DDAH2: variants seen among roughly 807,000 people sequenced by gnomAD.
The protein encoded by DDAH2 is DDAH family member 2, ADMA-independent, also known as putative hydrolase DDAH2.
In DDAH2, 8 loss-of-function variants were observed where a neutral mutation model predicts 24.8. That is an observed-to-expected ratio of 0.32 (90% CI 0.19 to 0.58). DDAH2 has a LOEUF of 0.58. DDAH2 is among the 20% of genes least tolerant of loss of function. The pLI is 0.87. For missense variants in DDAH2, 281 were observed against 379.0 expected (o/e 0.74, Z 2.15); for synonymous variants, 151 against 166.1 (o/e 0.91, Z 0.70).
Position 31,728,396 on chromosome 6 carries a change from C to T in DDAH2, c.471+55G>A. On this transcript the variant is annotated intron_variant, in intron 3 of 5. Coordinates refer to ENST00000375789, the MANE Select transcript of DDAH2 (RefSeq NM_001303007.2). The surrounding 1 kb of genome is among the most constrained non-coding windows in gnomAD (Gnocchi z 9.8). ...CTCATTTCCTCAGCGGGCGCCCAGG[C>T]CCTTCCGACCCCCACCTGCACCCCC... 6.2e-7 allele frequency: 1 copy of T among 1,610,210 alleles called. No individual in the cohort carries two copies. The highest frequency in any genetic ancestry group is 2.2e-5 in the East Asian group (1 of 44,824).
In DDAH2 at chr6:31,727,307, G is replaced by A; in HGVS notation, c.788C>T (p.Ser263Leu). The change falls in exon 6 of 6, where the codon TCA becomes TTA. Residue 263 changes from serine to leucine, a missense_variant. Coordinates refer to ENST00000375789, the MANE Select transcript of DDAH2 (RefSeq NM_001303007.2). This position sits in a 1 kb window ranked among gnomAD's most constrained non-coding sequence, Gnocchi z 6.0. ...CCCGGCGCCAGCCTTCTCCAGTTCT[G>A]AGCAGGACACAGGTACCAGGGTGAC... is the stretch of plus-strand genomic sequence containing the variant. ...SDVTLVPVSC[S>L]ELEKAGAGLS... 1 of 1,613,066 alleles carries A rather than the reference G, an allele frequency of 6.2e-7. No individual in the cohort carries two copies. Among genetic ancestry groups the A allele is most frequent in the Non-Finnish European group, 8.5e-7 (1 of 1,180,020 alleles).
At position 31,728,875 on chromosome 6, in the gene DDAH2, C is replaced by G; in HGVS notation, c.287G>C (p.Arg96Pro). ...ALITRPWSPA[R>P]RPEVDGVRKA... ...CGCCACGGCGCTCACCTCTGGCCTA[C>G]GAGCGGGGCTCCAGGGCCGCGTGAT... Residue 96 changes from arginine to proline, a missense_variant, in exon 1 of 6, where the codon CGT becomes CCT. Coordinates refer to ENST00000375789, the MANE Select transcript of DDAH2 (RefSeq NM_001303007.2). The surrounding 1 kb of genome is among the most constrained non-coding windows in gnomAD (Gnocchi z 9.8). 5 of 1,612,590 alleles carry G rather than the reference C, an allele frequency of 3.1e-6. No individual in the cohort carries two copies. The highest frequency in any genetic ancestry group is 4.2e-6 in the Non-Finnish European group (5 of 1,179,778).
rs952232127 is a variant in DDAH2 at position 31,727,878 on chromosome 6, A to C, written c.592-186T>G. Reference sequence around the variant, plus strand: ...CTTTGCTAATTTCCACCTTGGAATCACATGCAGTTATTTTCAACCCCCTAC... The same window carrying C: ...CTTTGCTAATTTCCACCTTGGAATCCCATGCAGTTATTTTCAACCCCCTAC... On this transcript the variant is annotated intron_variant, in intron 4 of 5. Coordinates refer to ENST00000375789, the MANE Select transcript of DDAH2 (RefSeq NM_001303007.2). The surrounding 1 kb of genome is among the most constrained non-coding windows in gnomAD (Gnocchi z 6.0). Among the ~76,000 whole-genome samples the C allele has an allele frequency of 6.6e-6, 1 of 152,144 alleles. No homozygotes were observed. Among genetic ancestry groups the C allele is most frequent in the Non-Finnish European group, 1.5e-5 (1 of 68,026 alleles).
Position 31,729,193 on chromosome 6 carries a change from C to A in DDAH2, c.-32G>T. On this transcript the variant is annotated 5_prime_UTR_variant, in exon 1 of 6. Coordinates refer to ENST00000375789, the MANE Select transcript of DDAH2 (RefSeq NM_001303007.2). This position sits in a 1 kb window ranked among gnomAD's most constrained non-coding sequence, Gnocchi z 6.7. Reference sequence around the variant, plus strand: ...CACACAGACTCCCCCTCCAACCGCTCGGATTTCTTAGTTTTCTTGTTTCTT... The same window carrying A: ...CACACAGACTCCCCCTCCAACCGCTAGGATTTCTTAGTTTTCTTGTTTCTT... 1 of 1,504,332 alleles carries A rather than the reference C, an allele frequency of 6.6e-7. No individual in the cohort carries two copies. The highest frequency in any genetic ancestry group is 9.0e-7 in the Non-Finnish European group (1 of 1,108,624). 93.2% of individuals were successfully genotyped at this position (1,504,332 alleles called of 1,614,324 possible).
chr6:31,729,576 T>C (rs983217066), upstream of DDAH2: 2 of 209,170 alleles, frequency 9.6e-6, no homozygotes, highest in African/African-American at 4.6e-5. The surrounding 1 kb of genome is among the most constrained non-coding windows in gnomAD (Gnocchi z 6.7). Flanking sequence ...AACCCTCAGC[T>C]GCTCGCTACC....
chr6:31,728,617 C>A lies in DDAH2; in HGVS notation c.397+29G>T. 1 of 1,612,178 alleles carries A rather than the reference C, an allele frequency of 6.2e-7. No homozygotes were observed. ...GTCTCCCAAACTCTACTTCCCTGTGCCAAGACCTATGCCTCCCCCCAGCCT... is the reference window on the plus strand; with the variant it reads ...GTCTCCCAAACTCTACTTCCCTGTGACAAGACCTATGCCTCCCCCCAGCCT... On this transcript the variant is annotated intron_variant, in intron 2 of 5. Transcript: ENST00000375789. The surrounding 1 kb of genome is among the most constrained non-coding windows in gnomAD (Gnocchi z 9.8).
chr6:31,728,546 G>C lies in DDAH2; in HGVS notation c.398-22C>G. 4 of 1,612,786 alleles carry C rather than the reference G, an allele frequency of 2.5e-6. No homozygotes were observed. Among genetic ancestry groups the C allele is most frequent in the Non-Finnish European group, 3.4e-6 (4 of 1,179,886 alleles). On this transcript the variant is annotated intron_variant, in intron 2 of 5. Coordinates refer to ENST00000375789, the MANE Select transcript of DDAH2 (RefSeq NM_001303007.2). The surrounding 1 kb of genome is among the most constrained non-coding windows in gnomAD (Gnocchi z 9.8). ...CGGCCTGAGTCCGGGAGGCCGCGGA[G>C]GTTTGAGGGCGGGAGTGAGTTAGAA...
In DDAH2 at chr6:31,728,563, G is replaced by A. The variant is rs781097041; in HGVS notation, c.398-39C>T. The A allele has an allele frequency of 1.2e-6, 2 of 1,612,050 alleles. No homozygotes were observed. The highest frequency in any genetic ancestry group is 2.2e-5 in the South Asian group (2 of 91,052). ...GCCGCGGAGGTTTGAGGGCGGGAGT[G>A]AGTTAGAAACAAGGCTCCAGACGGC... is the stretch of plus-strand genomic sequence containing the variant. On this transcript the variant is annotated intron_variant, in intron 2 of 5. Transcript: ENST00000375789. This position sits in a 1 kb window ranked among gnomAD's most constrained non-coding sequence, Gnocchi z 9.8.
chr6:31,727,720 T>G lies in DDAH2; in HGVS notation c.592-28A>C, dbSNP rs756583073. On this transcript the variant is annotated intron_variant, in intron 4 of 5. Coordinates refer to ENST00000375789, the MANE Select transcript of DDAH2 (RefSeq NM_001303007.2). The surrounding 1 kb of genome is among the most constrained non-coding windows in gnomAD (Gnocchi z 6.0). Reference sequence around the variant, plus strand: ...AGAGGAAAGAGGAAGTGTTCGAGTCTCAGAACCTCTCCACAGCTGTGTCTG... The same window carrying G: ...AGAGGAAAGAGGAAGTGTTCGAGTCGCAGAACCTCTCCACAGCTGTGTCTG... 22 of 1,564,852 alleles carry G rather than the reference T, an allele frequency of 1.4e-5. No individual in the cohort carries two copies. The highest frequency in any genetic ancestry group is 5.4e-5 in the Admixed American group (3 of 55,066).
At position 31,727,381 on chromosome 6, in the gene DDAH2, G is replaced by A; in HGVS notation, c.742-28C>T. The A allele has an allele frequency of 1.2e-6, 2 of 1,600,442 alleles. No homozygotes were observed. Among genetic ancestry groups the A allele is most frequent in the African/African-American group, 2.7e-5 (2 of 74,850 alleles). The stretch of plus-strand genomic sequence containing the variant: ...GCACAGGGAAGACATGGAGTGGGGA[G>A]AGGGGAGTGAGACCTCAGGCTGAGC... On this transcript the variant is annotated intron_variant, in intron 5 of 5. Coordinates refer to ENST00000375789, the MANE Select transcript of DDAH2 (RefSeq NM_001303007.2). The surrounding 1 kb of genome is among the most constrained non-coding windows in gnomAD (Gnocchi z 6.0).
At position 31,727,448 on chromosome 6, in the gene DDAH2, C is replaced by T. The variant is rs1807462124; in HGVS notation, c.741+95G>A. Reference sequence around the variant, plus strand: ...CCAGCTCAGAGTGGCCCCACCCAGGCTTCTAGAGAAGGTACCCTTCCTTCC... The same window carrying T: ...CCAGCTCAGAGTGGCCCCACCCAGGTTTCTAGAGAAGGTACCCTTCCTTCC... On this transcript the variant is annotated intron_variant, in intron 5 of 5. Coordinates refer to ENST00000375789, the MANE Select transcript of DDAH2 (RefSeq NM_001303007.2). The surrounding 1 kb of genome is among the most constrained non-coding windows in gnomAD (Gnocchi z 6.0). The T allele has an allele frequency of 1.9e-6, 3 of 1,604,126 alleles. No homozygotes were observed. The Admixed American group carries it at 5.0e-5, about 27-fold the overall frequency.
At chr6:31,730,040 G>GC (rs1424437993), upstream of DDAH2, 3 of 150,822 alleles carry the variant, frequency 2.0e-5, no homozygotes, top group African/African-American at 7.4e-5. This position sits in a 1 kb window ranked among gnomAD's most constrained non-coding sequence, Gnocchi z 5.1. Flanking sequence ...GGCCCCCCAC[G>GC]CAAGACTCAC....
chr6:31,729,461 A>C, upstream of DDAH2: 4 of 399,956 alleles, frequency 1.0e-5, no homozygotes, highest in Non-Finnish European at 8.9e-6. This position sits in a 1 kb window ranked among gnomAD's most constrained non-coding sequence, Gnocchi z 6.7. Flanking sequence ...TCTCCAAAAC[A>C]CCTGTTGCCC....
Position 31,729,060 on chromosome 6 carries a change from G to C in DDAH2, c.102C>G (p.Pro34=), listed in dbSNP as rs750228711. ...TTTGAGCTTTGGCCAGATCCAGAGC[G>C]GGAAGGCCAGCCCCCGCACCTTCCC... The part of the protein sequence containing the change: ...ASGEGAGAGL[P]ALDLAKAQRE... The change falls in exon 1 of 6, where the codon CCC becomes CCG. Residue 34 remains proline, a synonymous_variant. Transcript: ENST00000375789. The surrounding 1 kb of genome is among the most constrained non-coding windows in gnomAD (Gnocchi z 6.7). The C allele has an allele frequency of 1.2e-6, 2 of 1,613,012 alleles. No individual in the cohort carries two copies. The highest frequency in any genetic ancestry group is 2.2e-5 in the East Asian group (1 of 44,868).
Position 31,728,694 on chromosome 6 carries a change from T to C in DDAH2, c.349A>G (p.Ile117Val), listed in dbSNP as rs372370927. 2.5e-6 allele frequency: 4 copies of C among 1,612,908 alleles called. No individual in the cohort carries two copies. The highest frequency in any genetic ancestry group is 3.4e-6 in the Non-Finnish European group (4 of 1,180,016). Residue 117 changes from isoleucine (I) to valine (V), a missense_variant, in exon 2 of 6, where the codon ATA becomes GTA. Ile to Val is a conservative substitution (Grantham distance 29). Transcript: ENST00000375789. The surrounding 1 kb of genome is among the most constrained non-coding windows in gnomAD (Gnocchi z 9.8). Reference protein sequence around the residue: ...LQDLGLRIVEIGDENATLDGT... With the variant: ...LQDLGLRIVEVGDENATLDGT... ...TCCAGCGTCGCGTTCTCGTCTCCTA[T>C]TTCCACAATTCGGAGCCCCAGGTCT...
chr6:31,728,263 C>T lies in DDAH2; in HGVS notation c.501G>A (p.Ser167=). Residue 167 remains serine, a synonymous_variant, in exon 4 of 6, where the codon TCG becomes TCA. Coordinates refer to ENST00000375789, the MANE Select transcript of DDAH2 (RefSeq NM_001303007.2). This position sits in a 1 kb window ranked among gnomAD's most constrained non-coding sequence, Gnocchi z 9.8. ...RDFAVSTVPV[S]GPSHLRGLCG... ...AGAGACCGCGCAGGTGGGAGGGACC[C>T]GAGACTGGCACAGTGGAGACGGCGA... The T allele has an allele frequency of 1.2e-6, 2 of 1,611,978 alleles. No homozygotes were observed. Among genetic ancestry groups the T allele is most frequent in the Non-Finnish European group, 1.7e-6 (2 of 1,179,522 alleles).
At position 31,729,053 on chromosome 6, in the gene DDAH2, C is replaced by T. The variant is rs1807637603; in HGVS notation, c.109G>A (p.Asp37Asn). 1 of 1,613,090 alleles carries T rather than the reference C, an allele frequency of 6.2e-7. No homozygotes were observed. ...TGCTCCCTTTGAGCTTTGGCCAGATCCAGAGCGGGAAGGCCAGCCCCCGCA... is the reference window on the plus strand; with the variant it reads ...TGCTCCCTTTGAGCTTTGGCCAGATTCAGAGCGGGAAGGCCAGCCCCCGCA... ...EGAGAGLPAL[D>N]LAKAQREHGV... The change falls in exon 1 of 6, where the codon GAT (aspartate) becomes AAT (asparagine). Residue 37 changes from aspartate to asparagine, a missense_variant. Coordinates refer to ENST00000375789, the MANE Select transcript of DDAH2 (RefSeq NM_001303007.2). The surrounding 1 kb of genome is among the most constrained non-coding windows in gnomAD (Gnocchi z 6.7).
In DDAH2 at chr6:31,729,020, G is replaced by A. The variant is rs751453578; in HGVS notation, c.142C>T (p.Leu48=). 6.2e-7 allele frequency: 1 copy of A among 1,613,062 alleles called. No homozygotes were observed. The highest frequency in any genetic ancestry group is 1.1e-5 in the South Asian group (1 of 91,084). ...LAKAQREHGV[L]GGKLRQRLGL... ...AGTCGTTGCCTCAGTTTACCTCCCAGCACCCCGTGCTCCCTTTGAGCTTTG... is the reference window on the plus strand; with the variant it reads ...AGTCGTTGCCTCAGTTTACCTCCCAACACCCCGTGCTCCCTTTGAGCTTTG... The change falls in exon 1 of 6, where the codon CTG becomes TTG. Residue 48 remains leucine (L), a synonymous_variant. Transcript: ENST00000375789. The surrounding 1 kb of genome is among the most constrained non-coding windows in gnomAD (Gnocchi z 6.7).
At chr6:31,729,345 C>T (rs1807679193), upstream of DDAH2, 1 of 606,106 alleles carries the variant, frequency 1.6e-6, no homozygotes, top group South Asian at 2.0e-5. The surrounding 1 kb of genome is among the most constrained non-coding windows in gnomAD (Gnocchi z 6.7). Context: ...TCCCACTCCG[C>T]CCCACCCACT....
Sources: gnomAD v4.1 joint callset for allele counts (sites outside exome capture counted in the v4.1 genomes callset) on GRCh38, gnomAD v4.1.1 for gene constraint, Gnocchi (gnomAD v3.1) non-coding constraint, MANE v1.5 for transcripts, NCBI Gene and HGNC (gene_info 2026-07-23, HGNC 2026-07-21) for gene names.